The following CYLC2 variants were observed in gnomAD, a reference collection of about 807,000 sequenced individuals.
The protein encoded by CYLC2 is cylicin 2.
CYLC2 carries 30 observed loss-of-function variants against 26.1 expected under a neutral mutation model. That is an observed-to-expected ratio of 1.15 (90% CI 0.86 to 1.56). The LOEUF is 1.56. CYLC2 is among the 40% of genes most tolerant of loss of function. The pLI, the probability that CYLC2 is intolerant of heterozygous loss-of-function variation, is 0.00. For missense variants in CYLC2, 498 were observed against 394.4 expected, an observed-to-expected ratio of 1.26 and a Z score of -2.23; for synonymous variants, 158 against 132.8, an observed-to-expected ratio of 1.19 and a Z score of -1.31.
intron 1 of CYLC2, among the ~76,000 whole-genome samples, chr9:103,001,188 AAG>A (rs1221420519): frequency 1.3e-5 from 2 of 151,800 alleles, no homozygotes; most frequent in Admixed American, 1.3e-4. Context: ...AAATTCAATT[AAG>A]AGAGAATTTG....
At chr9:103,016,089 T>C (rs1354799279) in intron 6 of CYLC2, among the ~76,000 whole-genome samples, 1 of 151,782 alleles carries the variant, frequency 6.6e-6, no homozygotes, top group Non-Finnish European at 1.5e-5. Flanking sequence ...AGATAATTGA[T>C]ATTATCTATA....
At chr9:103,010,784 C>G (rs1395042585) in intron 5 of CYLC2, 1 of 152,028 alleles carries the variant, frequency 6.6e-6, no homozygotes, top group Non-Finnish European at 1.5e-5. Context: ...TTCCTACTCT[C>G]TATACCCTTT....
rs1384472558 is a variant in CYLC2 at position 103,017,668 on chromosome 9, CT to C, written c.*891-652del. ...AACTTTTCCTAGATATAGTTGGTAA[CT>C]TTTTCTTAGAATGTATGCATTAGGG... On this transcript the variant is annotated intron_variant, in intron 7 of 7. Coordinates refer to ENST00000374798, the MANE Select transcript of CYLC2 (RefSeq NM_001340.5). 2.0e-5 allele frequency among the ~76,000 whole-genome samples: 3 copies of C among 152,054 alleles called. No individual in the cohort carries two copies. In the East Asian group the frequency reaches 5.8e-4, roughly 29 times the overall value.
chr9:103,016,751 T>G (rs1274797322), intron 6 of CYLC2, 137 bp from the exon 7 acceptor site: 1 of 152,024 alleles, frequency 6.6e-6, no homozygotes, highest in Non-Finnish European at 1.5e-5. Context: ...AGGTATTTTG[T>G]CTTAGGTAAA....
Position 103,005,487 on chromosome 9 carries a change from G to A in CYLC2, c.856G>A (p.Asp286Asn), listed in dbSNP as rs747185979. 6.2e-7 allele frequency: 1 copy of A among 1,613,696 alleles called. No individual in the cohort carries two copies. Among genetic ancestry groups the A allele is most frequent in the Non-Finnish European group, 8.5e-7 (1 of 1,179,862 alleles). The change falls in exon 5 of 8, where the codon GAT (aspartate) becomes AAT (asparagine). Residue 286 changes from aspartate (D) to asparagine (N), a missense_variant. Physicochemically the swap from Asp to Asn is conservative, Grantham distance 23. Transcript: ENST00000374798. ...KPSSTDSDSK[D>N]DVKKESKKDA... ...CAGTAGTACAGACAGTGACTCAAAG[G>A]ATGATGTCAAGAAAGAGTCTAAGAA...
At chr9:103,004,373 TTC>T (rs1330986925) in intron 3 of CYLC2, among the ~76,000 whole-genome samples, 8 of 152,048 alleles carry the variant, frequency 5.3e-5, no homozygotes, top group African/African-American at 1.9e-4. Flanking sequence ...ATTCCAAGAA[TTC>T]TCAAGAACAT....
At chr9:103,001,140 T>C (rs1829284408) in intron 1 of CYLC2, among the ~76,000 whole-genome samples, 1 of 151,914 alleles carries the variant, frequency 6.6e-6, no homozygotes, top group Non-Finnish European at 1.5e-5. Context: ...GATATGCTTT[T>C]ACATAAGCGT....
At chr9:103,017,876 A>G (rs1040763283) in intron 7 of CYLC2, among the ~76,000 whole-genome samples, 1 of 151,864 alleles carries the variant, frequency 6.6e-6, no homozygotes, top group African/African-American at 2.4e-5. Flanking sequence ...TTGTCTTCAC[A>G]TGGTCTTTCC....
At chr9:103,013,978 T>C (rs1209560699) in intron 6 of CYLC2, among the ~76,000 whole-genome samples, 3 of 114,980 alleles carry the variant, frequency 2.6e-5, no homozygotes, top group East Asian at 3.0e-4. Flanking sequence ...ATATTATATA[T>C]TATTTAATAT....
chr9:103,010,791 C>T (rs1169621467), intron 5 of CYLC2: 1 of 151,882 alleles, frequency 6.6e-6, no homozygotes, highest in African/African-American at 2.4e-5. Context: ...TCTCTATACC[C>T]TTTGTGTCTG....
At chr9:103,004,915 T>C in intron 4 of CYLC2, 54 bp from the exon 5 acceptor site, 1 of 1,573,082 alleles carries the variant, frequency 6.4e-7, no homozygotes, top group Admixed American at 2.1e-5. Flanking sequence ...CTATTAGAAT[T>C]TTATCAAGTT....
At chr9:103,017,805 T>C (rs978989780) in intron 7 of CYLC2, among the ~76,000 whole-genome samples, 27 of 151,996 alleles carry the variant, frequency 1.8e-4, no homozygotes, top group African/African-American at 6.5e-4. Context: ...ATCAAGATAT[T>C]GGCAGCGTTG....
At chr9:103,010,411 T>C (rs558316188) in intron 5 of CYLC2, among the ~76,000 whole-genome samples, 1 of 152,234 alleles carries the variant, frequency 6.6e-6, no homozygotes, top group Admixed American at 6.5e-5. Flanking sequence ...AACGCTTTCC[T>C]CGTATTATCA....
At chr9:103,018,263 T>G (rs906061900) in intron 7 of CYLC2, 62 bp from the exon 8 acceptor site, 1 of 151,970 alleles carries the variant, frequency 6.6e-6, no homozygotes, top group Non-Finnish European at 1.5e-5. Context: ...GCCCTTTACT[T>G]TACCACTGCT....
intron 5 of CYLC2, among the ~76,000 whole-genome samples, chr9:103,007,662 C>T (rs570635628): frequency 3.9e-5 from 6 of 152,194 alleles, no homozygotes; most frequent in African/African-American, 1.4e-4. Context: ...AATTAAATGA[C>T]AATTCATTTA....
chr9:103,003,335 T>C (rs1021145381), intron 3 of CYLC2, 72 bp downstream of exon 3: 2 of 1,283,552 alleles, frequency 1.6e-6, no homozygotes, highest in African/African-American at 3.0e-5. Flanking sequence ...CCATAATAAG[T>C]AATTATAATT....
rs1369512581 is a variant in CYLC2 at position 103,006,276 on chromosome 9, TAC to T, written c.*599_*600del. 5 of 152,014 alleles carry T rather than the reference TAC, an allele frequency of 3.3e-5. No homozygotes were observed. The highest frequency in any genetic ancestry group is 1.2e-4 in the African/African-American group (5 of 41,406). The allele number at this position is 152,014 out of a possible 1,614,324, so 9.4% of individuals were successfully genotyped here. The stretch of plus-strand genomic sequence containing the variant: ...GTAAAAGAAAAGAAAAAAAATGTAT[TAC>T]CACCCGATGAGCCTACATCTTTCTT... On this transcript the variant is annotated 3_prime_UTR_variant, in exon 5 of 8. Coordinates refer to ENST00000374798, the MANE Select transcript of CYLC2 (RefSeq NM_001340.5).
chr9:102,995,474 A>G (rs1341205), intron 1 of CYLC2, 77 bp downstream of exon 1: 981,554 of 1,041,096 alleles, frequency 0.94, 463,095 homozygotes, highest in East Asian at 1. Flanking sequence ...ATGAAGAGAT[A>G]TTTATTATAT....
intron 1 of CYLC2, among the ~76,000 whole-genome samples, chr9:103,000,947 CT>C (rs1829282541): frequency 6.6e-6 from 1 of 151,728 alleles, no homozygotes; most frequent in Non-Finnish European, 1.5e-5. Context: ...AAATGGGAAC[CT>C]ACAAATGGAA....
Sources: gnomAD v4.1 joint callset for allele counts (sites outside exome capture counted in the v4.1 genomes callset) on GRCh38, gnomAD v4.1.1 for gene constraint, MANE v1.5 for transcripts, NCBI Gene and HGNC (gene_info 2026-07-23, HGNC 2026-07-21) for gene names.